MTUS2: variants seen among roughly 807,000 people sequenced by gnomAD.
The protein encoded by MTUS2 is microtubule associated scaffold protein 2.
In MTUS2, 40 loss-of-function variants were observed where a neutral mutation model predicts 114.1. The ratio of observed to expected loss-of-function variants is 0.35; its 90% CI spans 0.27 to 0.46. The LOEUF is 0.46. Among genes scored for constraint, MTUS2 ranks in the 20% least tolerant of loss-of-function variants. The pLI is 1.00. For missense variants in MTUS2, 1,679 were observed against 1,705.4 expected (o/e 0.98, Z 0.27); for synonymous variants, 688 against 672.0 (o/e 1.02, Z -0.37).
chr13:28,957,252 C>T (rs938747271), intron 2 of MTUS2, among the ~76,000 whole-genome samples: 2 of 152,138 alleles, frequency 1.3e-5, no homozygotes, highest in Non-Finnish European at 2.9e-5. Context: ...TGATCTTTTC[C>T]TTACACATAA....
chr13:29,290,185 T>C (rs745442509), intron 6 of MTUS2, among the ~76,000 whole-genome samples: 13 of 152,228 alleles, frequency 8.5e-5, no homozygotes, highest in Non-Finnish European at 1.5e-4. Flanking sequence ...CCTGCCTTTG[T>C]CTATAAACCC....
intron 8 of MTUS2, among the ~76,000 whole-genome samples, chr13:29,394,656 CT>C (rs903031886): frequency 5.3e-5 from 8 of 152,234 alleles, no homozygotes; most frequent in Non-Finnish European, 1.2e-4. Context: ...CCCCAACCCC[CT>C]GGCCACGAAC....
intron 5 of MTUS2, among the ~76,000 whole-genome samples, chr13:29,277,925 C>A (rs1038758361): frequency 6.6e-6 from 1 of 152,186 alleles, no homozygotes; most frequent in African/African-American, 2.4e-5. Flanking sequence ...AGAGCACCTG[C>A]AAAAGATGAT....
intron 6 of MTUS2, among the ~76,000 whole-genome samples, chr13:29,301,708 G>A (rs1285308787): frequency 6.6e-6 from 1 of 152,214 alleles, no homozygotes; most frequent in African/African-American, 2.4e-5. Flanking sequence ...ATTTGTTAAT[G>A]ACTGGATACA....
chr13:29,208,697 A>T (rs556815149), intron 5 of MTUS2, among the ~76,000 whole-genome samples: 1 of 152,286 alleles, frequency 6.6e-6, no homozygotes, highest in South Asian at 2.1e-4. Context: ...CCCAATGATC[A>T]TTCAAGAGCA....
At chr13:28,871,752 G>T (rs938808085) in intron 2 of MTUS2, among the ~76,000 whole-genome samples, 11 of 151,988 alleles carry the variant, frequency 7.2e-5, no homozygotes, top group African/African-American at 2.6e-4. Context: ...TTGCTGAAGT[G>T]GGGGGATTAC....
intron 11 of MTUS2, among the ~76,000 whole-genome samples, chr13:29,488,996 T>G (rs1242682439): frequency 6.6e-6 from 1 of 152,186 alleles, no homozygotes; most frequent in Non-Finnish European, 1.5e-5. Context: ...TTAAAGTGTG[T>G]ATTAAAGGCC....
At chr13:28,857,067 A>G (rs1876679120) in intron 2 of MTUS2, among the ~76,000 whole-genome samples, 1 of 152,208 alleles carries the variant, frequency 6.6e-6, no homozygotes, top group South Asian at 2.1e-4. Flanking sequence ...CTGATTGCCC[A>G]TTTGCCTGGT....
At chr13:29,231,601 A>G (rs1428389779) in intron 5 of MTUS2, among the ~76,000 whole-genome samples, 6 of 152,246 alleles carry the variant, frequency 3.9e-5, no homozygotes, top group African/African-American at 9.6e-5. Flanking sequence ...GATTACAGCT[A>G]CATTCAATAA....
chr13:29,074,569 CTCTTCCT>C (rs1263000868), intron 4 of MTUS2, among the ~76,000 whole-genome samples: 1 of 152,132 alleles, frequency 6.6e-6, no homozygotes, highest in African/African-American at 2.4e-5. Flanking sequence ...CTTCACTGTT[CTCTTCCT>C]TCTCCTACTT....
In MTUS2 at chr13:29,389,337, G is replaced by GTATACACA. The variant is rs1566172409; in HGVS notation, c.3117+29867_3117+29868insACACATAT. ...TGTATACACATATGTGTGTATATAT[G>GTATACACA]TATGCACGTGTGTGTATATATGTAT... On this transcript the variant is annotated intron_variant, in intron 8 of 15. Coordinates refer to ENST00000612955, the MANE Select transcript of MTUS2 (RefSeq NM_001033602.4). Among the ~76,000 whole-genome samples the GTATACACA allele has an allele frequency of 1.7e-3, 81 of 48,916 alleles. 1 individual carries two copies. The highest frequency in any genetic ancestry group is 2.1e-3 in the African/African-American group (41 of 19,350). The allele number at this position is 48,916 out of a possible 152,430, so 32.1% of individuals were successfully genotyped here. A position where few individuals can be genotyped will look rare whatever the true frequency, so the allele number is the denominator to read the frequency against.
intron 2 of MTUS2, among the ~76,000 whole-genome samples, chr13:29,009,981 G>A (rs776541697): frequency 6.6e-6 from 1 of 152,072 alleles, no homozygotes; most frequent in African/African-American, 2.4e-5. Context: ...GGAGGCTGAG[G>A]CGGACAGATC....
chr13:29,159,029 G>A (rs778961425), intron 5 of MTUS2, among the ~76,000 whole-genome samples: 2 of 152,178 alleles, frequency 1.3e-5, no homozygotes, highest in Non-Finnish European at 2.9e-5. Flanking sequence ...AGTTAGTTGT[G>A]CAATGGAATA....
At chr13:29,360,609 A>G (rs9508407) in intron 8 of MTUS2, among the ~76,000 whole-genome samples, 27,821 of 150,864 alleles carry the variant, frequency 0.18, 2,756 homozygotes, top group Middle Eastern at 0.23. Context: ...AAAATGGCCA[A>G]TGTGAATTTC....
At chr13:29,456,789 A>C (rs887002679) in intron 9 of MTUS2, among the ~76,000 whole-genome samples, 1 of 152,198 alleles carries the variant, frequency 6.6e-6, no homozygotes, top group Non-Finnish European at 1.5e-5. Flanking sequence ...AATGATGGAA[A>C]CTTAGATGTA....
At chr13:28,885,978 C>T (rs1444093509) in intron 2 of MTUS2, among the ~76,000 whole-genome samples, 4 of 152,090 alleles carry the variant, frequency 2.6e-5, no homozygotes, top group Non-Finnish European at 5.9e-5. Context: ...CACCTGGAGG[C>T]AGTGAGGCTT....
At chr13:28,822,354 A>T (rs1177620686) in intron 1 of MTUS2, among the ~76,000 whole-genome samples, 1 of 152,206 alleles carries the variant, frequency 6.6e-6, no homozygotes, top group Non-Finnish European at 1.5e-5. Flanking sequence ...ATCCAGGAGG[A>T]TGCCGAAACC....
At chr13:29,111,455 G>T (rs1267388294) in intron 5 of MTUS2, among the ~76,000 whole-genome samples, 1 of 152,158 alleles carries the variant, frequency 6.6e-6, no homozygotes, top group African/African-American at 2.4e-5. Context: ...AAGATGAGGA[G>T]ATGCAAGGAG....
intron 9 of MTUS2, among the ~76,000 whole-genome samples, chr13:29,449,937 C>T (rs184566560): frequency 7.2e-5 from 11 of 152,282 alleles, no homozygotes; most frequent in Admixed American, 4.6e-4. Context: ...AGAAGGTGAG[C>T]GCTGAGGAGC....
Sources: allele counts gnomAD v4.1 joint callset (sites outside exome capture counted in the v4.1 genomes callset), GRCh38; gene constraint gnomAD v4.1.1; transcripts MANE v1.5; gene names NCBI Gene and HGNC (gene_info 2026-07-23, HGNC 2026-07-21).